ESRRG: variants seen among roughly 807,000 people sequenced by gnomAD.
The protein encoded by ESRRG is estrogen-related receptor gamma.
In ESRRG, 13 loss-of-function variants were observed where a neutral mutation model predicts 44.0. The observed-to-expected ratio is 0.30, with a 90% confidence interval of 0.19 to 0.47. ESRRG has a LOEUF of 0.47. Among genes scored for constraint, ESRRG ranks in the 20% least tolerant of loss-of-function variants. The probability of loss-of-function intolerance (pLI) is 1.00; values close to 1 mark genes in which losing one functional copy is unlikely to be tolerated. For missense variants in ESRRG, 395 were observed against 580.6 expected (o/e 0.68, Z 3.29); for synonymous variants, 215 against 214.6 (o/e 1.00, Z -0.02).
upstream of ESRRG, among the ~76,000 whole-genome samples, chr1:217,093,941 G>C (rs2092387918): frequency 6.6e-6 from 1 of 152,004 alleles, no homozygotes; most frequent in Non-Finnish European, 1.5e-5. Flanking sequence ...GGAGTGCAGT[G>C]GCCTGACCAT....
At chr1:216,709,343 G>GTATATATA (rs71163761) in intron 1 of ESRRG, among the ~76,000 whole-genome samples, 2,006 of 145,336 alleles carry the variant, frequency 0.014, 30 homozygotes, top group African/African-American at 0.039. Context: ...GTGTGTGTGT[G>GTATATATA]TATATATATA....
At chr1:216,791,873 G>A (rs1268971187) in intron 2 of ESRRG, among the ~76,000 whole-genome samples, 3 of 152,230 alleles carry the variant, frequency 2.0e-5, no homozygotes, top group African/African-American at 7.2e-5. Flanking sequence ...TTCAGACCTA[G>A]ATGCTGTACT....
chr1:216,994,650 CGGCTCACTGCAA>C (rs2076148689), intron 1 of ESRRG, among the ~76,000 whole-genome samples: 1 of 152,022 alleles, frequency 6.6e-6, no homozygotes, highest in Non-Finnish European at 1.5e-5. Flanking sequence ...GGCGCTATGT[CGGCTCACTGCAA>C]GCTCCATCTC....
intron 5 of ESRRG, among the ~76,000 whole-genome samples, chr1:216,552,956 T>C (rs1412186530): frequency 2.0e-5 from 3 of 152,176 alleles, no homozygotes; most frequent in Non-Finnish European, 2.9e-5. Context: ...AATTATTCCA[T>C]GTTTTTCCGC....
intron 1 of ESRRG, among the ~76,000 whole-genome samples, chr1:216,966,675 T>C (rs1427546900): frequency 6.6e-6 from 1 of 152,124 alleles, no homozygotes; most frequent in Non-Finnish European, 1.5e-5. Context: ...TATCCTAGCA[T>C]CGTTCTGAGG....
At chr1:216,564,513 C>A in intron 4 of ESRRG, 133 bp from the exon 5 acceptor site, 1 of 625,582 alleles carries the variant, frequency 1.6e-6, no homozygotes, top group Non-Finnish European at 2.6e-6. Flanking sequence ...AATTATGGCT[C>A]AATAGGTATA....
intron 1 of ESRRG, among the ~76,000 whole-genome samples, chr1:216,713,238 TGAA>T (rs1027778079): frequency 3.9e-5 from 6 of 152,086 alleles, no homozygotes; most frequent in African/African-American, 1.4e-4. Flanking sequence ...TGGTTTGTAT[TGAA>T]GAAAAAAACC....
intron 1 of ESRRG, among the ~76,000 whole-genome samples, chr1:216,982,933 T>G (rs1317692483): frequency 6.6e-6 from 1 of 152,082 alleles, no homozygotes; most frequent in East Asian, 1.9e-4. Flanking sequence ...AGTCATCAGA[T>G]AATTATATCT....
intron 1 of ESRRG, among the ~76,000 whole-genome samples, chr1:216,708,283 A>G (rs1460561767): frequency 6.6e-6 from 1 of 152,160 alleles, no homozygotes; most frequent in Non-Finnish European, 1.5e-5. Context: ...TAAGCCTGGA[A>G]TATAAAAGAT....
At chr1:216,794,618 T>C (rs1320808009) in intron 2 of ESRRG, among the ~76,000 whole-genome samples, 1 of 152,186 alleles carries the variant, frequency 6.6e-6, no homozygotes, top group African/African-American at 2.4e-5. Context: ...AACATTTCTT[T>C]TTTTTCCCAC....
chr1:216,857,362 G>GAA (rs769553632), intron 2 of ESRRG, among the ~76,000 whole-genome samples: 10 of 125,280 alleles, frequency 8.0e-5, no homozygotes, highest in South Asian at 2.5e-4. Context: ...CACCCTTTGG[G>GAA]AAAAAAAAAA....
chr1:216,913,871 A>G (rs1430263871), intron 2 of ESRRG, among the ~76,000 whole-genome samples: 1 of 152,224 alleles, frequency 6.6e-6, no homozygotes, highest in Non-Finnish European at 1.5e-5. Flanking sequence ...CAAGGTTTTT[A>G]CCCTTTTCTG....
upstream of ESRRG, among the ~76,000 whole-genome samples, chr1:216,724,946 A>G (rs2087180073): frequency 6.6e-6 from 1 of 152,190 alleles, no homozygotes. Context: ...CTTAAGTCCT[A>G]CATGATAGAA....
At chr1:216,800,064 C>A (rs558469074) in intron 2 of ESRRG, among the ~76,000 whole-genome samples, 1 of 152,230 alleles carries the variant, frequency 6.6e-6, no homozygotes, top group East Asian at 1.9e-4. Flanking sequence ...ACAGAAGGTG[C>A]TAAATTAAGA....
intron 2 of ESRRG, among the ~76,000 whole-genome samples, chr1:216,939,351 A>G (rs1028046663): frequency 8.7e-6 from 1 of 114,744 alleles, no homozygotes; most frequent in African/African-American, 5.3e-5. Flanking sequence ...GACAAAAAAA[A>G]AAAAAAAAAA....
At chr1:216,833,875 C>T (rs1163782826) in intron 2 of ESRRG, among the ~76,000 whole-genome samples, 1 of 152,066 alleles carries the variant, frequency 6.6e-6, no homozygotes, top group Non-Finnish European at 1.5e-5. Context: ...GAGGCTGGCT[C>T]GAGGAGCACC....
At chr1:216,583,154 T>C (rs1434320292) in intron 3 of ESRRG, among the ~76,000 whole-genome samples, 1 of 152,174 alleles carries the variant, frequency 6.6e-6, no homozygotes, top group African/African-American at 2.4e-5. Context: ...AATAGCACAT[T>C]ACATAGGGTG....
Position 216,669,613 on chromosome 1 carries a change from C to T in ESRRG, c.472+7463G>A, listed in dbSNP as rs368699369. Among the ~76,000 whole-genome samples the T allele has an allele frequency of 1.1e-4, 16 of 152,306 alleles. No homozygotes were observed. The South Asian group carries it at 2.9e-3, about 28-fold the overall frequency. On this transcript the variant is annotated intron_variant, in intron 2 of 6. Transcript: ENST00000408911. The stretch of plus-strand genomic sequence containing the variant: ...GTTAAGAGTTAAAGTAGGCTGGGCG[C>T]GGTGGCTCATGCCTGTGATCCCAGC...
chr1:217,064,844 C>T (rs4537652), intron 1 of ESRRG, among the ~76,000 whole-genome samples: 56,628 of 151,968 alleles, frequency 0.37, 11,312 homozygotes, highest in East Asian at 0.7. Context: ...ACTCTCTACC[C>T]TACCCTGGTT....
Sources: gnomAD v4.1 joint callset for allele counts (sites outside exome capture counted in the v4.1 genomes callset) on GRCh38, gnomAD v4.1.1 for gene constraint, MANE v1.5 for transcripts, NCBI Gene and HGNC (gene_info 2026-07-23, HGNC 2026-07-21) for gene names.